The following KANK4 variants were observed in gnomAD, a reference collection of about 807,000 sequenced individuals.
The protein encoded by KANK4 is KN motif and ankyrin repeat domains 4, also known as KN motif and ankyrin repeat domain-containing protein 4.
KANK4 carries 50 observed loss-of-function variants against 80.8 expected under a neutral mutation model. That is an observed-to-expected ratio of 0.62 (90% CI 0.49 to 0.78). The LOEUF (loss-of-function observed/expected upper bound fraction) is 0.78, where lower values mean the gene tolerates loss of function less well. KANK4 is among the 30% of genes least tolerant of loss of function. The pLI is 0.00. For missense variants in KANK4, 1,196 were observed against 1,240.1 expected (o/e 0.96, Z 0.53); for synonymous variants, 465 against 506.9 (o/e 0.92, Z 1.11).
chr1:62,278,268 G>T (rs1024177649), intron 2 of KANK4, among the ~76,000 whole-genome samples: 1 of 151,922 alleles, frequency 6.6e-6, no homozygotes, highest in Non-Finnish European at 1.5e-5. Flanking sequence ...GAGGGAAAGG[G>T]ACGGGTTTAA....
intron 9 of KANK4, among the ~76,000 whole-genome samples, chr1:62,240,259 T>C (rs1368168378): frequency 1.3e-5 from 2 of 152,256 alleles, no homozygotes; most frequent in Admixed American, 6.5e-5. Flanking sequence ...ATTTCTCTGA[T>C]GGCCAGTGAT....
At chr1:62,240,872 G>A (rs1187039705) in intron 9 of KANK4, among the ~76,000 whole-genome samples, 1 of 152,126 alleles carries the variant, frequency 6.6e-6, no homozygotes, top group Non-Finnish European at 1.5e-5. Context: ...CTGAGCAGCT[G>A]CAGTCTCTTA....
chr1:62,247,848 T>C (rs1300401558), intron 8 of KANK4, among the ~76,000 whole-genome samples, 176 bp from the exon 9 acceptor site: 1 of 151,942 alleles, frequency 6.6e-6, no homozygotes, highest in Non-Finnish European at 1.5e-5. Flanking sequence ...CTTTTAAGAC[T>C]AGTCAAATGC....
intron 2 of KANK4, among the ~76,000 whole-genome samples, chr1:62,276,503 C>T (rs1440697232): frequency 6.6e-6 from 1 of 151,972 alleles, no homozygotes; most frequent in Non-Finnish European, 1.5e-5. Flanking sequence ...CGGTCGGGTG[C>T]GGTGGTTCAT....
Position 62,263,029 on chromosome 1 carries a change from T to C in KANK4, c.2539+63A>G, listed in dbSNP as rs974596832. On this transcript the variant is annotated intron_variant, in intron 7 of 9. Coordinates refer to ENST00000371153, the MANE Select transcript of KANK4 (RefSeq NM_181712.5). ...AAGCTATTGAAATTTTTGAAAAAAA[T>C]TTTAAAAATTGCCCTGCTCTTCAAG... 47 of 1,283,280 alleles carry C rather than the reference T, an allele frequency of 3.7e-5. No individual in the cohort carries two copies. The African/African-American group carries it at 6.2e-4, about 17-fold the overall frequency. The allele number at this position is 1,283,280 out of a possible 1,614,324, so 79.5% of individuals were successfully genotyped here.
chr1:62,249,000 TAA>T (rs374742301), intron 8 of KANK4, among the ~76,000 whole-genome samples: 91,823 of 137,358 alleles, frequency 0.67, 30,907 homozygotes, highest in East Asian at 0.83. Context: ...CTGTCTCTAC[TAA>T]AAAAAAAAAA....
chr1:62,239,278 C>G (rs969094576), intron 9 of KANK4, among the ~76,000 whole-genome samples: 3 of 152,068 alleles, frequency 2.0e-5, no homozygotes, highest in African/African-American at 7.2e-5. Context: ...TGCTTTTATT[C>G]TTAATTTACC....
At chr1:62,239,622 G>C (rs575397497) in intron 9 of KANK4, among the ~76,000 whole-genome samples, 1 of 151,926 alleles carries the variant, frequency 6.6e-6, no homozygotes, top group Non-Finnish European at 1.5e-5. Context: ...CCATTAACTC[G>C]TCATTTACAG....
At chr1:62,270,309 C>T (rs1672128685) in intron 4 of KANK4, among the ~76,000 whole-genome samples, 1 of 152,064 alleles carries the variant, frequency 6.6e-6, no homozygotes, top group Non-Finnish European at 1.5e-5. Flanking sequence ...GCACATGATC[C>T]CGTGTCAGAT....
chr1:62,239,987 G>T (rs1249101275), intron 9 of KANK4, among the ~76,000 whole-genome samples: 2 of 152,224 alleles, frequency 1.3e-5, no homozygotes, highest in Non-Finnish European at 2.9e-5. Flanking sequence ...ATGTGCATGT[G>T]TCTTTATAGC....
At chr1:62,245,424 G>A (rs1434089737) in intron 9 of KANK4, among the ~76,000 whole-genome samples, 1 of 152,208 alleles carries the variant, frequency 6.6e-6, no homozygotes, top group Non-Finnish European at 1.5e-5. Context: ...TTAAATTGCT[G>A]ATGAGTCAAT....
chr1:62,260,543 C>A (rs1002940029), intron 7 of KANK4, among the ~76,000 whole-genome samples: 4 of 152,144 alleles, frequency 2.6e-5, no homozygotes, highest in Admixed American at 2.6e-4. Context: ...GGCTCTCCCA[C>A]CTCCTTCAGC....
rs1247837243 is a variant in KANK4, at chr1:62,237,149, G to A, written c.*1128C>T. On this transcript the variant is annotated 3_prime_UTR_variant, in exon 10 of 10. Transcript: ENST00000371153. ...TAAGGGGCTTTTTTTTTTTTTTTTT[G>A]CATAAGAGATTTTAAGAGAGCAGAT... 2 of 54,994 alleles carry A rather than the reference G, an allele frequency of 3.6e-5. No homozygotes were observed. The highest frequency in any genetic ancestry group is 7.4e-5 in the Non-Finnish European group (2 of 26,846). The allele number at this position is 54,994 out of a possible 1,614,324, so 3.4% of individuals were successfully genotyped here. A position where few individuals can be genotyped will look rare whatever the true frequency, so the allele number is the denominator to read the frequency against.
intron 1 of KANK4, among the ~76,000 whole-genome samples, chr1:62,295,663 G>A (rs1644357878): frequency 6.6e-6 from 1 of 152,224 alleles, no homozygotes; most frequent in South Asian, 2.1e-4. Flanking sequence ...ATACAGCAGG[G>A]CCAAGGTCAG....
rs1671243720 is a variant in KANK4 at position 62,237,962 on chromosome 1, A to G, written c.*315T>C. ...CTCCTGCCTGCCTGCTTGCTACACA[A>G]TGTTACAGAGGGTAGAGTCATGAGG... On this transcript the variant is annotated 3_prime_UTR_variant, in exon 10 of 10. Transcript: ENST00000371153. 5 of 258,552 alleles carry G rather than the reference A, an allele frequency of 1.9e-5. No homozygotes were observed. Among genetic ancestry groups the G allele is most frequent in the Middle Eastern group, 2.4e-3 (2 of 842 alleles). 16.0% of individuals were successfully genotyped at this position (258,552 alleles called of 1,614,324 possible). A position where few individuals can be genotyped will look rare whatever the true frequency, so the allele number is the denominator to read the frequency against.
At chr1:62,313,060 T>C (rs140259840) in intron 1 of KANK4, among the ~76,000 whole-genome samples, 1 of 152,278 alleles carries the variant, frequency 6.6e-6, no homozygotes, top group African/African-American at 2.4e-5. Context: ...TATTAAGACA[T>C]TTTGAGGGAG....
At chr1:62,247,700 G>A (rs1671505375) in intron 8 of KANK4, 28 bp from the exon 9 acceptor site, 1 of 1,607,040 alleles carries the variant, frequency 6.2e-7, no homozygotes, top group Non-Finnish European at 8.5e-7. Context: ...GGGATGTGGT[G>A]AGGTTGCTGC....
At chr1:62,271,136 C>G (rs540217586) in intron 4 of KANK4, among the ~76,000 whole-genome samples, 6 of 152,066 alleles carry the variant, frequency 3.9e-5, no homozygotes, top group African/African-American at 9.7e-5. Flanking sequence ...TGAAGTTCCA[C>G]GAATTAACAG....
Position 62,268,285 on chromosome 1 carries a change from AC to A in KANK4, c.2231+1del, listed in dbSNP as rs568600301. The A allele has an allele frequency of 7.0e-3, 11,276 of 1,612,510 alleles. 46 individuals carry two copies. The highest frequency in any genetic ancestry group is 8.9e-3 in the Non-Finnish European group (10,486 of 1,179,390). ...TGCCCGCGTTTGTGTCCATTTGCTC[AC>A]CTCTCGGCCTTGGAGTGGGGGACTT... On this transcript the variant is annotated splice_donor_variant, in intron 5 of 9. Coordinates refer to ENST00000371153, the MANE Select transcript of KANK4 (RefSeq NM_181712.5). LOFTEE classifies it high-confidence loss of function.
Sources: gnomAD v4.1 joint callset for allele counts (sites outside exome capture counted in the v4.1 genomes callset) on GRCh38, gnomAD v4.1.1 for gene constraint, MANE v1.5 for transcripts, NCBI Gene and HGNC (gene_info 2026-07-23, HGNC 2026-07-21) for gene names.